The following DNAJC1 variants were observed in gnomAD, a reference collection of about 807,000 sequenced individuals.
DNAJC1 encodes DnaJ heat shock protein family (Hsp40) member C1.
DNAJC1 carries 58 observed loss-of-function variants against 76.6 expected under a neutral mutation model. The observed-to-expected ratio is 0.76, with a 90% CI of 0.61 to 0.94. DNAJC1 has a LOEUF of 0.94. Among genes scored for constraint, DNAJC1 ranks in the 40% least tolerant of loss-of-function variants. The pLI, the probability that DNAJC1 is intolerant of heterozygous loss-of-function variation, is 0.00. For synonymous variants in DNAJC1, 258 were observed against 267.9 expected (o/e 0.96, Z 0.36); for missense variants, 689 against 677.3 (o/e 1.02, Z -0.19).
At chr10:21,791,408 C>G (rs964046463) in intron 9 of DNAJC1, among the ~76,000 whole-genome samples, 1 of 152,170 alleles carries the variant, frequency 6.6e-6, no homozygotes, top group Non-Finnish European at 1.5e-5. Flanking sequence ...CAGACATTTA[C>G]AGAACACTTC....
At chr10:21,927,249 C>T (rs1837143111) in intron 3 of DNAJC1, among the ~76,000 whole-genome samples, 1 of 152,178 alleles carries the variant, frequency 6.6e-6, no homozygotes, top group Non-Finnish European at 1.5e-5. Context: ...GATCTTGAAT[C>T]CCTGTGCTTT....
intron 1 of DNAJC1, among the ~76,000 whole-genome samples, chr10:21,983,665 G>C (rs1367767989): frequency 1.3e-5 from 2 of 150,100 alleles, no homozygotes. Flanking sequence ...AGGCTGCAGT[G>C]AGCAGAGATT....
chr10:21,990,068 C>T (rs1383820303), intron 1 of DNAJC1, among the ~76,000 whole-genome samples: 3 of 152,214 alleles, frequency 2.0e-5, no homozygotes, highest in Non-Finnish European at 4.4e-5. Context: ...ACAAACTGCA[C>T]AACTATACAC....
At chr10:21,897,988 A>G (rs11012818) in intron 7 of DNAJC1, among the ~76,000 whole-genome samples, 1 of 152,356 alleles carries the variant, frequency 6.6e-6, no homozygotes, top group East Asian at 1.9e-4. Flanking sequence ...ATCTACATTA[A>G]AAAATCTTAG....
chr10:21,843,641 C>T (rs1333844780), intron 8 of DNAJC1, among the ~76,000 whole-genome samples: 1 of 152,172 alleles, frequency 6.6e-6, no homozygotes, highest in East Asian at 1.9e-4. Flanking sequence ...GATCCACTGC[C>T]TCAGCCTCCC....
Position 21,778,598 on chromosome 10 carries a change from G to GA in DNAJC1, c.1099-12290dup, listed in dbSNP as rs199735834. Among the ~76,000 whole-genome samples, 9 of 151,618 alleles carry GA rather than the reference G, an allele frequency of 5.9e-5. No individual in the cohort carries two copies. In the East Asian group the frequency reaches 1.2e-3, roughly 20 times the overall value. ...AGATTAATTAGAACTGTACTTACAA[G>GA]AAAAAAAAATTGGGGAGTGTTCCAA... On this transcript the variant is annotated intron_variant, in intron 9 of 11. Transcript: ENST00000376980.
intron 7 of DNAJC1, among the ~76,000 whole-genome samples, chr10:21,889,862 CAGAA>C (rs1346592320): frequency 6.6e-6 from 1 of 152,160 alleles, no homozygotes; most frequent in Non-Finnish European, 1.5e-5. Context: ...GCAAACAAGA[CAGAA>C]AGTAGTGTTA....
intron 9 of DNAJC1, among the ~76,000 whole-genome samples, chr10:21,778,200 G>C (rs9703945): frequency 6.7e-6 from 1 of 150,010 alleles, no homozygotes; most frequent in Non-Finnish European, 1.5e-5. Flanking sequence ...TCTCAAAAAA[G>C]AAAAAAAAAT....
chr10:21,981,837 C>T (rs745380477), intron 1 of DNAJC1, among the ~76,000 whole-genome samples: 4 of 152,196 alleles, frequency 2.6e-5, no homozygotes, highest in East Asian at 1.9e-4. Context: ...CTTTGAACTT[C>T]TATCTCCTCC....
At chr10:21,936,406 T>C (rs866796069) in intron 1 of DNAJC1, among the ~76,000 whole-genome samples, 31 of 152,342 alleles carry the variant, frequency 2.0e-4, no homozygotes, top group Middle Eastern at 3.4e-3. Flanking sequence ...AAAGTCATTA[T>C]TAATGCATTT....
At chr10:21,868,664 T>C (rs1208688788) in intron 8 of DNAJC1, among the ~76,000 whole-genome samples, 1 of 151,976 alleles carries the variant, frequency 6.6e-6, no homozygotes, top group Non-Finnish European at 1.5e-5. Context: ...CTGTAGAGAA[T>C]TGGTTGTCAG....
intron 1 of DNAJC1, among the ~76,000 whole-genome samples, chr10:21,997,376 C>T (rs1235594165): frequency 6.6e-6 from 1 of 152,176 alleles, no homozygotes; most frequent in Non-Finnish European, 1.5e-5. Flanking sequence ...GCAATTTGTG[C>T]CCTCTCCTCT....
intron 8 of DNAJC1, among the ~76,000 whole-genome samples, chr10:21,881,780 T>C (rs1836282610): frequency 6.9e-6 from 1 of 144,204 alleles, no homozygotes; most frequent in Non-Finnish European, 1.5e-5. Context: ...AGGAAGGAGA[T>C]GCTTTTGGAA....
intron 8 of DNAJC1, among the ~76,000 whole-genome samples, chr10:21,864,508 G>C (rs1264473638): frequency 6.6e-6 from 1 of 152,002 alleles, no homozygotes; most frequent in Non-Finnish European, 1.5e-5. Context: ...TGTAGTCCCA[G>C]CTACTCGGCA....
chr10:21,870,372 C>T (rs1836083206), intron 8 of DNAJC1, among the ~76,000 whole-genome samples: 1 of 152,034 alleles, frequency 6.6e-6, no homozygotes, highest in East Asian at 1.9e-4. Flanking sequence ...AATTCCACCC[C>T]TCCATAAAAG....
chr10:21,829,327 C>G (rs1044583724), intron 8 of DNAJC1, among the ~76,000 whole-genome samples: 1 of 152,216 alleles, frequency 6.6e-6, no homozygotes, highest in Admixed American at 6.5e-5. Context: ...CATTCTCCTG[C>G]CTCAGCCTCC....
intron 9 of DNAJC1, among the ~76,000 whole-genome samples, chr10:21,800,971 C>G (rs888210991): frequency 6.6e-6 from 1 of 152,062 alleles, no homozygotes; most frequent in Non-Finnish European, 1.5e-5. Flanking sequence ...GAGGTAAAAA[C>G]ATATAAGTAT....
intron 1 of DNAJC1, among the ~76,000 whole-genome samples, chr10:21,946,705 A>G (rs1837511213): frequency 6.6e-6 from 1 of 152,214 alleles, no homozygotes; most frequent in Non-Finnish European, 1.5e-5. Context: ...TTATTAAAAG[A>G]TATGTACAAC....
At chr10:21,922,708 A>T (rs1171334379) in intron 3 of DNAJC1, among the ~76,000 whole-genome samples, 1 of 152,048 alleles carries the variant, frequency 6.6e-6, no homozygotes, top group Non-Finnish European at 1.5e-5. Context: ...GTGCTCTAAC[A>T]TAAGATTACA....
Sources: gnomAD v4.1 joint callset for allele counts (sites outside exome capture counted in the v4.1 genomes callset) on GRCh38, gnomAD v4.1.1 for gene constraint, MANE v1.5 for transcripts, NCBI Gene and HGNC (gene_info 2026-07-23, HGNC 2026-07-21) for gene names.